The following HTR3C variants were observed in gnomAD, a reference collection of about 807,000 sequenced individuals.
HTR3C encodes the protein 5-hydroxytryptamine receptor 3C.
In HTR3C, 32 loss-of-function variants were observed where a neutral mutation model predicts 40.5. The ratio of observed to expected loss-of-function variants is 0.79; its 90% CI spans 0.60 to 1.06. The LOEUF is 1.06. Among genes scored for constraint, HTR3C ranks in the 50% least tolerant of loss-of-function variants. The pLI is 0.00. For synonymous variants in HTR3C, 209 were observed against 217.1 expected (o/e 0.96, Z 0.33); for missense variants, 523 against 556.8 (o/e 0.94, Z 0.61).
chr3:184,055,417 G>T (rs74520402), intron 3 of HTR3C, 61 bp downstream of exon 3: 1 of 1,291,164 alleles, frequency 7.7e-7, no homozygotes, highest in Non-Finnish European at 1.1e-6. Flanking sequence ...TGAGGAGTTA[G>T]AAGTGACTTA....
chr3:184,056,781 G>C, intron 4 of HTR3C, 94 bp from the exon 5 acceptor site: 1 of 1,075,326 alleles, frequency 9.3e-7, no homozygotes, highest in South Asian at 2.3e-5. Context: ...GAAAGAGAAA[G>C]AGCCCAGAAG....
intron 6 of HTR3C, among the ~76,000 whole-genome samples, chr3:184,058,798 A>G (rs953687368): frequency 4.6e-5 from 7 of 151,944 alleles, no homozygotes; most frequent in Admixed American, 4.6e-4. Context: ...CCCCGTCTCT[A>G]ATTTAAAAAA....
chr3:184,059,337 C>G, intron 6 of HTR3C, 99 bp from the exon 7 acceptor site: 1 of 1,059,204 alleles, frequency 9.4e-7, no homozygotes, highest in South Asian at 1.3e-5. Context: ...AGATCGTCCC[C>G]AGCAGCCTCA....
At chr3:184,054,101 C>T (rs1576986752) in intron 1 of HTR3C, among the ~76,000 whole-genome samples, 1 of 152,172 alleles carries the variant, frequency 6.6e-6, no homozygotes, top group African/African-American at 2.4e-5. Context: ...TCAGTGATGT[C>T]ACCTCATGAT....
chr3:184,056,545 G>A (rs1351755258), intron 4 of HTR3C, among the ~76,000 whole-genome samples: 1 of 152,100 alleles, frequency 6.6e-6, no homozygotes, highest in Non-Finnish European at 1.5e-5. Flanking sequence ...TCAGAAGTTC[G>A]AGACCAGCCT....
At chr3:184,058,664 A>G in intron 6 of HTR3C, 77 bp downstream of exon 6, 1 of 1,524,840 alleles carries the variant, frequency 6.6e-7, no homozygotes, top group Non-Finnish European at 8.8e-7. Context: ...GCTCTTTGGG[A>G]AGCAAAAAAG....
In HTR3C at chr3:184,054,720, G is replaced by A. The variant is rs1203841794; in HGVS notation, c.68-1G>A. The A allele has an allele frequency of 5.7e-6, 9 of 1,589,168 alleles. No individual in the cohort carries two copies. The highest frequency in any genetic ancestry group is 7.7e-6 in the Non-Finnish European group (9 of 1,169,346). On this transcript the variant is annotated splice_acceptor_variant, in intron 1 of 8. Transcript: ENST00000318351. LOFTEE classifies it high-confidence loss of function. Reference sequence around the variant, plus strand: ...TCTCACGGAGTCTCTGCTCTCTATAGGAAGAGGCGACGCTTTTACCATCAA... The same window carrying A: ...TCTCACGGAGTCTCTGCTCTCTATAAGAAGAGGCGACGCTTTTACCATCAA...
chr3:184,058,222 T>C (rs192654783), intron 5 of HTR3C, among the ~76,000 whole-genome samples: 24 of 152,274 alleles, frequency 1.6e-4, no homozygotes, highest in East Asian at 5.8e-4. Context: ...CTCACTCTTG[T>C]TTTCAACAAC....
At chr3:184,057,998 T>G (rs1220731287) in intron 5 of HTR3C, among the ~76,000 whole-genome samples, 1 of 152,196 alleles carries the variant, frequency 6.6e-6, no homozygotes, top group African/African-American at 2.4e-5. Flanking sequence ...TAAATTAATA[T>G]AACCGAATGC....
intron 4 of HTR3C, among the ~76,000 whole-genome samples, 185 bp from the exon 5 acceptor site, chr3:184,056,690 G>A (rs1427889821): frequency 6.6e-6 from 1 of 152,210 alleles, no homozygotes; most frequent in African/African-American, 2.4e-5. Context: ...GGAGGTTGCA[G>A]TGAGCTGAGA....
In HTR3C at chr3:184,060,536, C is replaced by T. The variant is rs1052480105; in HGVS notation, c.*184C>T. The T allele has an allele frequency of 8.4e-6, 6 of 712,350 alleles. No individual in the cohort carries two copies. The highest frequency in any genetic ancestry group is 5.3e-5 in the African/African-American group (3 of 56,278). The allele number at this position is 712,350 out of a possible 1,614,324, so 44.1% of individuals were successfully genotyped here. Reference sequence around the variant, plus strand: ...GGACAGCCCTGGACGATTTCCCGACCGCTGCTCAGGCTGCTCATTCCTGCT... The same window carrying T: ...GGACAGCCCTGGACGATTTCCCGACTGCTGCTCAGGCTGCTCATTCCTGCT... On this transcript the variant is annotated 3_prime_UTR_variant, in exon 9 of 9. Coordinates refer to ENST00000318351, the MANE Select transcript of HTR3C (RefSeq NM_130770.3).
Position 184,059,962 on chromosome 3 carries a change from T to C in HTR3C, c.1060T>C (p.Cys354Arg). ...PRWLHSLLLH[C>R]TSPGRCCPTA... is the part of the protein sequence containing the mutation. ...GTGGCTTCACTCCCTGCTGCTCCAC[T>C]GCACCAGCCCAGGGAGATGCTGTCC... Residue 354 changes from cysteine (C) to arginine (R), a missense_variant, in exon 8 of 9, where the codon TGC becomes CGC. Physicochemically the swap from Cys to Arg is radical, Grantham distance 180. Transcript: ENST00000318351. The C allele has an allele frequency of 6.2e-7, 1 of 1,613,784 alleles. No individual in the cohort carries two copies.
rs57044091 is a variant in HTR3C at position 184,057,120 on chromosome 3, GT to G, written c.559+80del. ...AGTGGTGTAGGTATCATTAGAAAAG[GT>G]TTTGGATCAGTGTTGCTCCACTCCG... On this transcript the variant is annotated intron_variant, in intron 5 of 8. Coordinates refer to ENST00000318351, the MANE Select transcript of HTR3C (RefSeq NM_130770.3). 2.5e-4 allele frequency: 296 copies of G among 1,193,028 alleles called. No individual in the cohort carries two copies. The African/African-American group carries it at 4.1e-3, about 17-fold the overall frequency. 73.9% of individuals were successfully genotyped at this position (1,193,028 alleles called of 1,614,324 possible).
chr3:184,056,358 A>G (rs945998686), intron 4 of HTR3C, 72 bp downstream of exon 4: 5 of 979,292 alleles, frequency 5.1e-6, no homozygotes, highest in Non-Finnish European at 8.2e-6. Context: ...AGCACAGGGC[A>G]TGGGGCCACC....
At chr3:184,059,769 C>G in intron 7 of HTR3C, 59 bp from the exon 8 acceptor site, 2 of 1,597,548 alleles carry the variant, frequency 1.3e-6, no homozygotes, top group Non-Finnish European at 1.7e-6. Context: ...AGGAAAGAGG[C>G]GTGAGGAATG....
chr3:184,054,980 G>T, intron 2 of HTR3C, 93 bp downstream of exon 2: 1 of 1,274,176 alleles, frequency 7.8e-7, no homozygotes, highest in South Asian at 1.5e-5. Context: ...GCCCCGTGGT[G>T]AACAATAGGC....
At position 184,060,616 on chromosome 3, in the gene HTR3C, G is replaced by A; in HGVS notation, c.*264G>A. ...ACTCCTCACTCCCTGATCAATGGAA[G>A]TCCAGGTCAGTGGAGTCTCTCCTTG... On this transcript the variant is annotated 3_prime_UTR_variant, in exon 9 of 9. Coordinates refer to ENST00000318351, the MANE Select transcript of HTR3C (RefSeq NM_130770.3). 1.9e-6 allele frequency: 1 copy of A among 534,206 alleles called. No individual in the cohort carries two copies. The highest frequency in any genetic ancestry group is 3.4e-6 in the Non-Finnish European group (1 of 296,054). The allele number at this position is 534,206 out of a possible 1,614,324, so 33.1% of individuals were successfully genotyped here. A position where few individuals can be genotyped will look rare whatever the true frequency, so the allele number is the denominator to read the frequency against.
At chr3:184,057,606 C>T (rs1259374559) in intron 5 of HTR3C, among the ~76,000 whole-genome samples, 2 of 150,854 alleles carry the variant, frequency 1.3e-5, no homozygotes, top group South Asian at 2.1e-4. Context: ...TGGTGGTGGG[C>T]GCCTGTAGTC....
intron 4 of HTR3C, 85 bp from the exon 5 acceptor site, chr3:184,056,790 A>G (rs556418053): frequency 3.6e-4 from 416 of 1,171,000 alleles, no homozygotes; most frequent in South Asian, 1.3e-3. Context: ...AGAGCCCAGA[A>G]GGAGAGCACA....
Sources: gnomAD v4.1 joint callset for allele counts (sites outside exome capture counted in the v4.1 genomes callset) on GRCh38, gnomAD v4.1.1 for gene constraint, MANE v1.5 for transcripts, NCBI Gene and HGNC (gene_info 2026-07-23, HGNC 2026-07-21) for gene names.